The following GPR75 variants were observed in gnomAD, a reference collection of about 807,000 sequenced individuals.
GPR75 encodes the protein G protein-coupled receptor 75.
A neutral mutation model predicts 26.0 loss-of-function variants in GPR75; 27 were observed. The observed-to-expected ratio is 1.04, with a 90% CI of 0.77 to 1.43. The LOEUF (loss-of-function observed/expected upper bound fraction) is 1.43, where lower values mean the gene tolerates loss of function less well. Ranked by LOEUF, GPR75 falls within the 40% of genes most tolerant of loss-of-function variation. The pLI is 0.00. For synonymous variants in GPR75, 285 were observed against 256.3 expected, an observed-to-expected ratio of 1.11 and a Z score of -1.07; for missense variants, 699 against 662.3, an observed-to-expected ratio of 1.06 and a Z score of -0.61.
At chr2:53,856,009 G>A (rs1042295996) in intron 1 of GPR75, among the ~76,000 whole-genome samples, 3 of 152,154 alleles carry the variant, frequency 2.0e-5, no homozygotes, top group African/African-American at 7.2e-5. Flanking sequence ...ATAAATGTGA[G>A]TTACCATTAT....
chr2:53,859,097 T>C (rs1288575499), intron 1 of GPR75, among the ~76,000 whole-genome samples: 1 of 150,304 alleles, frequency 6.7e-6, no homozygotes, highest in Admixed American at 6.7e-5. Context: ...TTAGTGAACA[T>C]TAAAACATGC....
At position 53,853,198 on chromosome 2, in the gene GPR75, G is replaced by C; in HGVS notation, c.1559C>G (p.Thr520Ser). 6.2e-7 allele frequency: 1 copy of C among 1,613,892 alleles called. No homozygotes were observed. Residue 520 changes from threonine to serine, a missense_variant, in exon 2 of 2, where the codon ACT becomes AGT. Coordinates refer to ENST00000394705, the MANE Select transcript of GPR75 (RefSeq NM_006794.4). ...NSYIAMHYHT[T>S]NDLVQEYDST... ...GTCATATTCCTGCACTAAGTCATTA[G>C]TGGTGTGATAATGCATGGCAATATA...
chr2:53,857,904 T>G (rs1198854676), intron 1 of GPR75, among the ~76,000 whole-genome samples: 1 of 151,974 alleles, frequency 6.6e-6, no homozygotes, highest in Admixed American at 6.6e-5. Context: ...AAATAAGAAT[T>G]CCAGGTCAGG....
At chr2:53,858,314 T>C (rs1678283835) in intron 1 of GPR75, among the ~76,000 whole-genome samples, 2 of 152,030 alleles carry the variant, frequency 1.3e-5, no homozygotes, top group South Asian at 2.1e-4. Flanking sequence ...TGAATAGGTA[T>C]TGCAATCCCT....
Position 53,854,348 on chromosome 2 carries a change from C to A in GPR75, c.409G>T (p.Ala137Ser). Residue 137 changes from alanine to serine, a missense_variant, in exon 2 of 2, where the codon GCA becomes TCA. Transcript: ENST00000394705. ...CGGAGCCGGTGCAGGGCGATCACTG[C>A]CACTGTCTTCAGAGACATGATGATG... ...GFIIMSLKTV[A>S]VIALHRLRMV... is the part of the protein sequence containing the mutation. 1 of 1,614,054 alleles carries A rather than the reference C, an allele frequency of 6.2e-7. No homozygotes were observed. Among genetic ancestry groups the A allele is most frequent in the South Asian group, 1.1e-5 (1 of 91,070 alleles).
At chr2:53,856,006 TGA>T (rs1335749015) in intron 1 of GPR75, among the ~76,000 whole-genome samples, 1 of 152,172 alleles carries the variant, frequency 6.6e-6, no homozygotes, top group Admixed American at 6.5e-5. Flanking sequence ...TATATAAATG[TGA>T]GTTACCATTA....
chr2:53,854,785 C>G lies in GPR75; in HGVS notation c.-29G>C. On this transcript the variant is annotated 5_prime_UTR_variant, in exon 2 of 2. Coordinates refer to ENST00000394705, the MANE Select transcript of GPR75 (RefSeq NM_006794.4). ...CGGAGAGAAATGTCTCCTTCTTCTG[C>G]TCCCCAAAAATACTCAGTGAGTCAG... 1 of 1,580,644 alleles carries G rather than the reference C, an allele frequency of 6.3e-7. No homozygotes were observed. The highest frequency in any genetic ancestry group is 1.4e-5 in the African/African-American group (1 of 74,068).
chr2:53,854,133 C>T lies in GPR75; in HGVS notation c.624G>A (p.Val208=). 6.2e-7 allele frequency: 1 copy of T among 1,614,130 alleles called. No homozygotes were observed. Reference sequence around the variant, plus strand: ...CAGCAACACAGAAGGTGAAGTCGACCACATAGAGAGACAAAATGGCTTTCC... The same window carrying T: ...CAGCAACACAGAAGGTGAAGTCGACTACATAGAGAGACAAAATGGCTTTCC... ...GKGKAILSLY[V]VDFTFCVAVV... is the part of the protein sequence containing the mutation. Residue 208 remains valine (V), a synonymous_variant, in exon 2 of 2, where the codon GTG becomes GTA. Coordinates refer to ENST00000394705, the MANE Select transcript of GPR75 (RefSeq NM_006794.4).
rs1337195470 is a variant in GPR75 at position 53,859,853 on chromosome 2, C to T, written c.-135G>A. 3.2e-5 allele frequency: 49 copies of T among 1,533,380 alleles called. No homozygotes were observed. Among genetic ancestry groups the T allele is most frequent in the Non-Finnish European group, 4.1e-5 (47 of 1,144,368 alleles). 95.0% of individuals were successfully genotyped at this position (1,533,380 alleles called of 1,614,324 possible). Reference sequence around the variant, plus strand: ...CTGCCGGGTGGCCGCAGCGCCGCCCCTCCTCCATCTCGCAGTCCGGACCCC... The same window carrying T: ...CTGCCGGGTGGCCGCAGCGCCGCCCTTCCTCCATCTCGCAGTCCGGACCCC... On this transcript the variant is annotated 5_prime_UTR_variant, in exon 1 of 2. Transcript: ENST00000394705.
In GPR75 at chr2:53,853,649, C is replaced by A; in HGVS notation, c.1108G>T (p.Gly370Ter). ...FGFTLIFFKS[G>*]LNPFIYSRNS... ...CGAGAATATATAAAAGGGTTTAATC[C>A]TGACTTGAAAAATATAAGAGTAAAT... Residue 370 changes from glycine (G) to a stop codon, truncating the protein, a stop_gained, in exon 2 of 2, where the codon GGA becomes TGA. Transcript: ENST00000394705. LOFTEE classifies it high-confidence loss of function. 6.2e-7 allele frequency: 1 copy of A among 1,614,072 alleles called. No homozygotes were observed. The highest frequency in any genetic ancestry group is 2.2e-5 in the East Asian group (1 of 44,886).
In GPR75 at chr2:53,853,242, A is replaced by G. The variant is rs1328404414; in HGVS notation, c.1515T>C (p.Ser505=). The change falls in exon 2 of 2, where the codon TCT becomes TCC. Residue 505 remains serine, a synonymous_variant. Coordinates refer to ENST00000394705, the MANE Select transcript of GPR75 (RefSeq NM_006794.4). ...SSPCNLQPVN[S]FGFANSYIAM... ...CAATATATGAATTGGCAAATCCAAA[A>G]GAGTTTACTGGCTGTAAGTTACATG... 2 of 1,614,158 alleles carry G rather than the reference A, an allele frequency of 1.2e-6. No individual in the cohort carries two copies. Among genetic ancestry groups the G allele is most frequent in the Admixed American group, 3.3e-5 (2 of 60,024 alleles).
chr2:53,854,823 C>T lies in GPR75; in HGVS notation c.-67G>A. On this transcript the variant is annotated 5_prime_UTR_variant, in exon 2 of 2. The change creates a new upstream start codon in the 5' untranslated region. Coordinates refer to ENST00000394705, the MANE Select transcript of GPR75 (RefSeq NM_006794.4). ...CTCAGTGAGTCAGGGCCTCAGCTCA[C>T]AGATGAGCAATATGTGACAAAAGAG... is the stretch of plus-strand genomic sequence containing the variant. 8.0e-7 allele frequency: 1 copy of T among 1,256,978 alleles called. No homozygotes were observed. Among genetic ancestry groups the T allele is most frequent in the South Asian group, 1.4e-5 (1 of 73,896 alleles). 77.9% of individuals were successfully genotyped at this position (1,256,978 alleles called of 1,614,324 possible). A position where few individuals can be genotyped will look rare whatever the true frequency, so the allele number is the denominator to read the frequency against.
At chr2:53,859,337 G>A (rs1044111884) in intron 1 of GPR75, among the ~76,000 whole-genome samples, 22 of 152,174 alleles carry the variant, frequency 1.4e-4, no homozygotes, top group Admixed American at 1.2e-3. Context: ...TTTCTATCCA[G>A]TAGAACTACA....
rs746049202 is a variant in GPR75 at position 53,853,756 on chromosome 2, C to G, written c.1001G>C (p.Cys334Ser). The change falls in exon 2 of 2, where the codon TGT becomes TCT. Residue 334 changes from cysteine (C) to serine (S), a missense_variant. Transcript: ENST00000394705. ...TACCAAGGAAATCCCCAGTGGAAGA[C>G]AGCACACCAGGACTGACAGCACAAT... is the stretch of plus-strand genomic sequence containing the variant. ...VIIVLSVLVC[C>S]LPLGISLVQV... 6.2e-7 allele frequency: 1 copy of G among 1,614,182 alleles called. No individual in the cohort carries two copies. The highest frequency in any genetic ancestry group is 8.5e-7 in the Non-Finnish European group (1 of 1,180,024).
In GPR75 at chr2:53,853,091, G is replaced by GAA. The variant is rs1678130130; in HGVS notation, c.*41_*42dup. 3 of 1,432,072 alleles carry GAA rather than the reference G, an allele frequency of 2.1e-6. No individual in the cohort carries two copies. In the African/African-American group the frequency reaches 4.3e-5, roughly 20 times the overall value. The allele number at this position is 1,432,072 out of a possible 1,614,324, so 88.7% of individuals were successfully genotyped here. ...GTTAGAATAAAGTCCATTACTATCA[G>GAA]AAACAAAAACTGTTTACATAAGATC... On this transcript the variant is annotated 3_prime_UTR_variant, in exon 2 of 2. Transcript: ENST00000394705.
chr2:53,856,865 A>G (rs1220158725), intron 1 of GPR75, among the ~76,000 whole-genome samples: 3 of 151,510 alleles, frequency 2.0e-5, no homozygotes, highest in Non-Finnish European at 2.9e-5. Context: ...TTTTAAAAAT[A>G]GTACCAGATA....
intron 1 of GPR75, among the ~76,000 whole-genome samples, chr2:53,859,004 T>G (rs1444587867): frequency 1.3e-5 from 2 of 151,188 alleles, no homozygotes; most frequent in East Asian, 1.9e-4. Flanking sequence ...GGATGAAAAT[T>G]TATTGTATAA....
In GPR75 at chr2:53,854,882, A is replaced by G; in HGVS notation, c.-109-17T>C. 4.4e-6 allele frequency: 3 copies of G among 674,696 alleles called. No individual in the cohort carries two copies. The South Asian group carries it at 5.6e-5, about 13-fold the overall frequency. The allele number at this position is 674,696 out of a possible 1,614,324, so 41.8% of individuals were successfully genotyped here. A position where few individuals can be genotyped will look rare whatever the true frequency, so the allele number is the denominator to read the frequency against. ...CAGATAAGCCTACACACAAAAATGC[A>G]CACCCAGAAACAGAAAGGGATTAAT... On this transcript the variant is annotated splice_polypyrimidine_tract_variant and intron_variant, in intron 1 of 1. Transcript: ENST00000394705.
At chr2:53,859,166 C>T (rs150597476) in intron 1 of GPR75, among the ~76,000 whole-genome samples, 1 of 151,208 alleles carries the variant, frequency 6.6e-6, no homozygotes, top group East Asian at 1.9e-4. Context: ...ATTCCCCGCG[C>T]GCCCCAAAAT....
Sources: gnomAD v4.1 joint callset for allele counts (sites outside exome capture counted in the v4.1 genomes callset) on GRCh38, gnomAD v4.1.1 for gene constraint, MANE v1.5 for transcripts, NCBI Gene and HGNC (gene_info 2026-07-23, HGNC 2026-07-21) for gene names.